Variants in PDZRN4 observed in about 807,000 individuals in gnomAD.
The protein encoded by PDZRN4 is PDZ domain containing ring finger 4.
A neutral mutation model predicts 99.0 loss-of-function variants in PDZRN4; 70 were observed. The observed-to-expected ratio is 0.71, with a 90% CI of 0.58 to 0.86. The LOEUF (loss-of-function observed/expected upper bound fraction) is 0.86, where lower values mean the gene tolerates loss of function less well. Ranked by LOEUF, PDZRN4 falls within the 40% of genes least tolerant of loss-of-function variation. PDZRN4 has a pLI of 0.00. For missense variants in PDZRN4, 1,474 were observed against 1,331.2 expected, an observed-to-expected ratio of 1.11 and a Z score of -1.67; for synonymous variants, 551 against 501.6, an observed-to-expected ratio of 1.10 and a Z score of -1.32.
intron 3 of PDZRN4, among the ~76,000 whole-genome samples, chr12:41,401,972 C>T (rs1022034934): frequency 1.3e-5 from 2 of 150,776 alleles, no homozygotes; most frequent in Admixed American, 1.3e-4. Context: ...GTAAAAGATT[C>T]TGTTTATCCC....
In PDZRN4 at chr12:41,416,456, C is replaced by T. The variant is rs563414334; in HGVS notation, c.844-90000C>T. Among the ~76,000 whole-genome samples the T allele has an allele frequency of 1.7e-3, 264 of 152,082 alleles. 2 individuals are homozygous for T. Among genetic ancestry groups the T allele is most frequent in the African/African-American group, 6.1e-3 (251 of 41,464 alleles). On this transcript the variant is annotated intron_variant, in intron 3 of 9. Coordinates refer to ENST00000402685, the MANE Select transcript of PDZRN4 (RefSeq NM_001164595.2). ...GGTCAGGAGTTTGAGACCAGCCTGG[C>T]CAACATGGTGAAACCCTGTCTCTAC...
chr12:41,342,978 A>G (rs1474806187), intron 3 of PDZRN4, among the ~76,000 whole-genome samples: 1 of 151,962 alleles, frequency 6.6e-6, no homozygotes, highest in Non-Finnish European at 1.5e-5. Context: ...CAATTAATGA[A>G]TGGAAAAACA....
At chr12:41,388,158 A>G (rs1952185089) in intron 3 of PDZRN4, among the ~76,000 whole-genome samples, 1 of 152,152 alleles carries the variant, frequency 6.6e-6, no homozygotes, top group Non-Finnish European at 1.5e-5. Flanking sequence ...CCATTAGCAA[A>G]CTAACACAAG....
At chr12:41,430,829 C>T (rs1161903066) in intron 3 of PDZRN4, among the ~76,000 whole-genome samples, 1 of 152,146 alleles carries the variant, frequency 6.6e-6, no homozygotes, top group African/African-American at 2.4e-5. Context: ...GTTTAATTGG[C>T]TCACAGTTGT....
At chr12:41,273,469 A>G (rs970106703) in intron 3 of PDZRN4, among the ~76,000 whole-genome samples, 2 of 152,108 alleles carry the variant, frequency 1.3e-5, no homozygotes, top group Non-Finnish European at 2.9e-5. Flanking sequence ...ACAGAGAATG[A>G]AACAGTATAG....
rs184766431 is a variant in PDZRN4, at chr12:41,250,502, G to A, written c.843+56314G>A. On this transcript the variant is annotated intron_variant, in intron 3 of 9. Coordinates refer to ENST00000402685, the MANE Select transcript of PDZRN4 (RefSeq NM_001164595.2). ...CATCAAGTTCAAGATACTTTTGTAA[G>A]CAATGATGCCAGCCTTTTAGTCCAT... Among the ~76,000 whole-genome samples, 595 of 152,294 alleles carry A rather than the reference G, an allele frequency of 3.9e-3. 2 individuals carry two copies. The Middle Eastern group carries it at 0.041, about 10-fold the overall frequency.
At chr12:41,507,560 C>G (rs768404593) in intron 4 of PDZRN4, among the ~76,000 whole-genome samples, 7 of 152,102 alleles carry the variant, frequency 4.6e-5, no homozygotes, top group Non-Finnish European at 7.4e-5. Context: ...CCCATAAGCC[C>G]GTTTCAGTGG....
intron 3 of PDZRN4, among the ~76,000 whole-genome samples, chr12:41,488,171 C>T (rs183636829): frequency 1.4e-3 from 211 of 152,308 alleles, no homozygotes; most frequent in African/African-American, 4.6e-3. Context: ...CCTCCACATT[C>T]CATTATCCAG....
intron 3 of PDZRN4, among the ~76,000 whole-genome samples, chr12:41,419,800 A>T (rs1196088234): frequency 6.6e-6 from 1 of 152,220 alleles, no homozygotes; most frequent in Non-Finnish European, 1.5e-5. Context: ...CAGCTGTCAG[A>T]TGCATGCAGC....
At chr12:41,315,273 G>T (rs1432067858) in intron 3 of PDZRN4, among the ~76,000 whole-genome samples, 2 of 152,116 alleles carry the variant, frequency 1.3e-5, no homozygotes, top group Admixed American at 6.6e-5. Flanking sequence ...CTGCTGACCA[G>T]TATATAAAAT....
intron 3 of PDZRN4, chr12:41,409,915 T>C (rs935085691): frequency 6.6e-6 from 1 of 152,224 alleles, no homozygotes; most frequent in Admixed American, 6.5e-5. Flanking sequence ...TAGAATTCTC[T>C]CTGAGTCTGT....
At chr12:41,391,876 G>C (rs780016185) in intron 3 of PDZRN4, among the ~76,000 whole-genome samples, 8 of 152,130 alleles carry the variant, frequency 5.3e-5, no homozygotes, top group Non-Finnish European at 1.2e-4. Context: ...AAATCAACAA[G>C]TGATGAAGAC....
chr12:41,533,089 AT>A (rs1205548740), intron 5 of PDZRN4, among the ~76,000 whole-genome samples: 2 of 150,136 alleles, frequency 1.3e-5, no homozygotes, highest in African/African-American at 4.9e-5. Context: ...TAATTCTGTC[AT>A]TTTTTTTTCT....
chr12:41,239,457 T>A (rs1566385489), intron 3 of PDZRN4, among the ~76,000 whole-genome samples: 1 of 152,190 alleles, frequency 6.6e-6, no homozygotes, highest in Non-Finnish European at 1.5e-5. Context: ...CATGTATCCC[T>A]GAACTTAAAA....
intron 3 of PDZRN4, among the ~76,000 whole-genome samples, chr12:41,214,513 C>G (rs370374005): frequency 7.0e-6 from 1 of 143,682 alleles, no homozygotes. Flanking sequence ...CCTCTAGATC[C>G]GAACCTGAGT....
intron 3 of PDZRN4, among the ~76,000 whole-genome samples, chr12:41,202,113 A>C (rs1193199938): frequency 6.6e-6 from 1 of 152,154 alleles, no homozygotes; most frequent in African/African-American, 2.4e-5. Context: ...AGATATTTTC[A>C]ATGTTTCCAA....
At chr12:41,399,247 A>G (rs933902456) in intron 3 of PDZRN4, among the ~76,000 whole-genome samples, 3 of 152,190 alleles carry the variant, frequency 2.0e-5, no homozygotes, top group Non-Finnish European at 2.9e-5. Context: ...AAAAGAAGAA[A>G]AAATCAGTCA....
chr12:41,352,208 G>A (rs1240278825), intron 3 of PDZRN4, among the ~76,000 whole-genome samples: 2 of 152,032 alleles, frequency 1.3e-5, no homozygotes, highest in Non-Finnish European at 2.9e-5. Flanking sequence ...ATGGAGTGAT[G>A]GTGCCAGCTT....
chr12:41,564,382 T>G (rs285549), intron 8 of PDZRN4, among the ~76,000 whole-genome samples: 33,477 of 152,090 alleles, frequency 0.22, 3,798 homozygotes, highest in South Asian at 0.32. Flanking sequence ...GGGCTTCCTT[T>G]TATATCCTTT....
Sources: gnomAD v4.1 joint callset for allele counts (sites outside exome capture counted in the v4.1 genomes callset) on GRCh38, gnomAD v4.1.1 for gene constraint, MANE v1.5 for transcripts, NCBI Gene and HGNC (gene_info 2026-07-23, HGNC 2026-07-21) for gene names.